TACR1: variants seen among roughly 807,000 people sequenced by gnomAD.
TACR1 encodes substance-P receptor.
In TACR1, 25 loss-of-function variants were observed where a neutral mutation model predicts 35.8. That is an observed-to-expected ratio of 0.70 (90% CI 0.51 to 0.98). The LOEUF is 0.98. TACR1 is among the 50% of genes least tolerant of loss of function. TACR1 has a pLI of 0.00. For synonymous variants in TACR1, 195 were observed against 206.7 expected, an observed-to-expected ratio of 0.94 and a Z score of 0.48; for missense variants, 478 against 522.9, an observed-to-expected ratio of 0.91 and a Z score of 0.84.
chr2:75,109,080 T>A (rs1161201468), intron 2 of TACR1, among the ~76,000 whole-genome samples: 1 of 152,114 alleles, frequency 6.6e-6, no homozygotes, highest in African/African-American at 2.4e-5. Flanking sequence ...GAAAACAATT[T>A]TAAGGAACTT....
In TACR1 at chr2:75,108,434, T is replaced by C. The variant is rs113270979; in HGVS notation, c.584+12140A>G. On this transcript the variant is annotated intron_variant, in intron 2 of 4. Transcript: ENST00000305249. ...ATATTTTTACAAAACTCTGTCGTAC[T>C]AGGAATAGTATAATGCTTCTTAAAA... 4.5e-3 allele frequency among the ~76,000 whole-genome samples: 681 copies of C among 152,288 alleles called. 3 individuals are homozygous for C. The highest frequency in any genetic ancestry group is 0.015 in the African/African-American group (613 of 41,572).
intron 1 of TACR1, among the ~76,000 whole-genome samples, chr2:75,163,907 A>G (rs1411091493): frequency 1.3e-5 from 2 of 152,202 alleles, no homozygotes; most frequent in Non-Finnish European, 2.9e-5. Flanking sequence ...GCACAAAATG[A>G]TTCTTCTATT....
intron 1 of TACR1, among the ~76,000 whole-genome samples, chr2:75,137,728 C>CAAAA (rs11326632): frequency 6.3e-4 from 30 of 47,504 alleles, no homozygotes; most frequent in South Asian, 1.1e-3. Flanking sequence ...GTCTCCGTCT[C>CAAAA]AAAAAAAAAA....
intron 1 of TACR1, among the ~76,000 whole-genome samples, chr2:75,197,160 A>G (rs540606382): frequency 2.6e-5 from 4 of 152,328 alleles, no homozygotes; most frequent in Admixed American, 2.0e-4. Flanking sequence ...ATTTTCCACA[A>G]TTTGTTTTAC....
chr2:75,129,801 T>A (rs1572946808), intron 1 of TACR1, among the ~76,000 whole-genome samples: 1 of 152,206 alleles, frequency 6.6e-6, no homozygotes, highest in Non-Finnish European at 1.5e-5. Context: ...GTGGTAAGCA[T>A]GTTTTCTGGG....
chr2:75,135,307 T>A (rs1205870082), intron 1 of TACR1, among the ~76,000 whole-genome samples: 1 of 152,268 alleles, frequency 6.6e-6, no homozygotes, highest in Non-Finnish European at 1.5e-5. Flanking sequence ...TAGTATTTAC[T>A]GGGCAGTGAT....
chr2:75,053,353 T>C (rs865793492), intron 3 of TACR1, among the ~76,000 whole-genome samples: 112 of 151,840 alleles, frequency 7.4e-4, no homozygotes, highest in African/African-American at 2.4e-3. Flanking sequence ...TAAGTGTGCG[T>C]GTGTGTGTGT....
intron 1 of TACR1, among the ~76,000 whole-genome samples, chr2:75,190,724 G>A (rs79081064): frequency 0.06 from 9,175 of 152,186 alleles, 320 homozygotes; most frequent in Non-Finnish European, 0.079. Flanking sequence ...GCCCAGATAG[G>A]TTAAATACCT....
chr2:75,064,100 A>G (rs1488931755), intron 2 of TACR1, among the ~76,000 whole-genome samples: 1 of 151,692 alleles, frequency 6.6e-6, no homozygotes, highest in Non-Finnish European at 1.5e-5. Context: ...GGAAAAAAAA[A>G]AAAAGGTTCT....
chr2:75,089,837 C>G (rs1239692793), intron 2 of TACR1, among the ~76,000 whole-genome samples: 2 of 152,108 alleles, frequency 1.3e-5, no homozygotes, highest in Non-Finnish European at 2.9e-5. Context: ...CACCCCATGT[C>G]CTCTCAACCC....
chr2:75,118,509 C>T (rs1226608577), intron 2 of TACR1, among the ~76,000 whole-genome samples: 1 of 152,204 alleles, frequency 6.6e-6, no homozygotes, highest in African/African-American at 2.4e-5. Flanking sequence ...CAATCCAACA[C>T]ATCATATTGA....
intron 1 of TACR1, among the ~76,000 whole-genome samples, chr2:75,174,231 A>G (rs1234491375): frequency 6.6e-6 from 1 of 152,186 alleles, no homozygotes; most frequent in African/African-American, 2.4e-5. Flanking sequence ...AGTATTTTCT[A>G]CTGAAAGCAC....
chr2:75,166,782 CTGTT>C (rs1045894133), intron 1 of TACR1, among the ~76,000 whole-genome samples: 17 of 152,142 alleles, frequency 1.1e-4, no homozygotes, highest in African/African-American at 3.1e-4. Flanking sequence ...CTGAGGAAAA[CTGTT>C]TGTTGGAAGA....
rs139632185 is a variant in TACR1, at chr2:75,075,693, GT to G, written c.585-21939del. 9.2e-5 allele frequency among the ~76,000 whole-genome samples: 14 copies of G among 151,746 alleles called. No individual in the cohort carries two copies. In the East Asian group the frequency reaches 2.5e-3, roughly 27 times the overall value. On this transcript the variant is annotated intron_variant, in intron 2 of 4. Transcript: ENST00000305249. ...TAAAGGACAGGGATGATAAGAATGT[GT>G]TTAAACAGCAACAATAACAACAAGA...
intron 2 of TACR1, among the ~76,000 whole-genome samples, chr2:75,057,837 G>T (rs571781908): frequency 2.8e-4 from 43 of 152,178 alleles, no homozygotes; most frequent in Non-Finnish European, 5.7e-4. Flanking sequence ...GCACAACATT[G>T]TGAATTTACT....
intron 1 of TACR1, among the ~76,000 whole-genome samples, chr2:75,147,528 C>T (rs567664276): frequency 1.9e-4 from 29 of 152,254 alleles, no homozygotes; most frequent in East Asian, 7.7e-4. Flanking sequence ...TTTTAAGACC[C>T]GCATGTATCA....
chr2:75,070,657 A>T (rs553582235), intron 2 of TACR1, among the ~76,000 whole-genome samples: 261 of 152,330 alleles, frequency 1.7e-3, no homozygotes, highest in African/African-American at 6.1e-3. Context: ...GGTAAATTTC[A>T]TGGGTTCAAG....
chr2:75,094,859 A>ATATATATATATATATTTTTTTTTT, intron 2 of TACR1, among the ~76,000 whole-genome samples: 4 of 113,128 alleles, frequency 3.5e-5, no homozygotes, highest in African/African-American at 1.9e-4. Context: ...ATATATATAT[A>ATATATATATATATATTTTTTTTTT]TTTTTTTTTT....
intron 2 of TACR1, among the ~76,000 whole-genome samples, chr2:75,113,719 G>A (rs1055937034): frequency 1.3e-5 from 2 of 151,962 alleles, no homozygotes; most frequent in African/African-American, 4.8e-5. Flanking sequence ...TATAAGTGTA[G>A]TGGGTGTCAG....
Sources: allele counts gnomAD v4.1 joint callset (sites outside exome capture counted in the v4.1 genomes callset), GRCh38; gene constraint gnomAD v4.1.1; transcripts MANE v1.5; gene names NCBI Gene and HGNC (gene_info 2026-07-23, HGNC 2026-07-21).